RAPH1: variants seen among roughly 807,000 people sequenced by gnomAD.
The protein encoded by RAPH1 is ras-associated and pleckstrin homology domains-containing protein 1.
In RAPH1, 18 loss-of-function variants were observed where a neutral mutation model predicts 88.1. The observed-to-expected ratio is 0.20, with a 90% confidence interval of 0.14 to 0.30. RAPH1 has a LOEUF of 0.30. Ranked by LOEUF, RAPH1 falls within the 10% of genes least tolerant of loss-of-function variation. The probability of loss-of-function intolerance (pLI) is 1.00; values close to 1 mark genes in which losing one functional copy is unlikely to be tolerated. For synonymous variants in RAPH1, 587 were observed against 559.0 expected (o/e 1.05, Z -0.71); for missense variants, 1,448 against 1,543.2 (o/e 0.94, Z 1.03).
intron 1 of RAPH1, among the ~76,000 whole-genome samples, chr2:203,522,201 G>A (rs1252385479): frequency 6.6e-6 from 1 of 152,136 alleles, no homozygotes; most frequent in Non-Finnish European, 1.5e-5. Context: ...TTAGTCTCCT[G>A]TATTTCTAGC....
chr2:203,473,667 C>T (rs1473515470), intron 4 of RAPH1, among the ~76,000 whole-genome samples: 2 of 151,826 alleles, frequency 1.3e-5, no homozygotes, highest in Non-Finnish European at 2.9e-5. Context: ...ATATTTTAAA[C>T]GTTTAATTAA....
At chr2:203,512,491 C>T (rs2105928984) in intron 1 of RAPH1, among the ~76,000 whole-genome samples, 1 of 151,736 alleles carries the variant, frequency 6.6e-6, no homozygotes, top group African/African-American at 2.4e-5. Flanking sequence ...TAATGAGACA[C>T]AAATGGAAGT....
chr2:203,444,771 G>A, intron 13 of RAPH1, 97 bp downstream of exon 13: 2 of 1,123,588 alleles, frequency 1.8e-6, no homozygotes, highest in South Asian at 3.0e-5. Flanking sequence ...CTGAAATAAG[G>A]CCAAATAAGA....
chr2:203,440,553 T>C lies in RAPH1; in HGVS notation c.2637A>G (p.Glu879=). 1 of 1,542,072 alleles carries C rather than the reference T, an allele frequency of 6.5e-7. No individual in the cohort carries two copies. The highest frequency in any genetic ancestry group is 8.7e-7 in the Non-Finnish European group (1 of 1,144,598). Residue 879 remains glutamate (E), a synonymous_variant, in exon 14 of 14, where the codon GAA becomes GAG. Transcript: ENST00000319170. Reference sequence around the variant, plus strand: ...CTGGGACAGGCTTTAAGGGCTGAGATTCCATGGCAGGGGGAGTTGGAGGGG... The same window carrying C: ...CTGGGACAGGCTTTAAGGGCTGAGACTCCATGGCAGGGGGAGTTGGAGGGG... The part of the protein sequence containing the change: ...FPPPPTPPAM[E]SQPLKPVPAN...
intron 1 of RAPH1, among the ~76,000 whole-genome samples, chr2:203,513,039 A>G (rs147467587): frequency 1.5e-3 from 236 of 152,312 alleles, no homozygotes; most frequent in African/African-American, 5.4e-3. Flanking sequence ...ATCTTACACA[A>G]TTGAAAACGT....
chr2:203,527,015 C>T (rs1395055602), intron 1 of RAPH1, among the ~76,000 whole-genome samples: 1 of 151,998 alleles, frequency 6.6e-6, no homozygotes, highest in Non-Finnish European at 1.5e-5. Flanking sequence ...AACTCCTGAC[C>T]TCAGGTGATC....
chr2:203,528,767 T>C (rs1690239523), intron 1 of RAPH1, among the ~76,000 whole-genome samples: 1 of 151,916 alleles, frequency 6.6e-6, no homozygotes, highest in Admixed American at 6.6e-5. Context: ...GCTTATTAAG[T>C]ACACTATTCA....
intron 1 of RAPH1, among the ~76,000 whole-genome samples, chr2:203,528,564 C>T (rs1690231881): frequency 6.6e-6 from 1 of 152,116 alleles, no homozygotes; most frequent in African/African-American, 2.4e-5. Flanking sequence ...CATGAGCTGC[C>T]TTGTCAGCTA....
At chr2:203,506,898 A>ATTTTTTTTTTTTTTTTT (rs1243668890) in intron 1 of RAPH1, among the ~76,000 whole-genome samples, 1 of 87,876 alleles carries the variant, frequency 1.1e-5, no homozygotes, top group African/African-American at 6.4e-5. Context: ...ATATATATAT[A>ATTTTTTTTTTTTTTTTT]TTTTTTTTTT....
rs1174623924 is a variant in RAPH1 at position 203,435,519 on chromosome 2, A to AT, written c.*3917dup. On this transcript the variant is annotated 3_prime_UTR_variant, in exon 14 of 14. Coordinates refer to ENST00000319170, the MANE Select transcript of RAPH1 (RefSeq NM_213589.3). ...TAATTTATACAAATGTAAAGTGTATATTAAAAAAAAAAAAGTGAAAGTTAC... is the reference window on the plus strand; with the variant it reads ...TAATTTATACAAATGTAAAGTGTATATTTAAAAAAAAAAAAGTGAAAGTTAC... The AT allele has an allele frequency of 6.8e-6, 1 of 147,284 alleles. No homozygotes were observed. Among genetic ancestry groups the AT allele is most frequent in the Non-Finnish European group, 1.5e-5 (1 of 67,746 alleles). 9.1% of individuals were successfully genotyped at this position (147,284 alleles called of 1,614,324 possible).
chr2:203,468,886 G>A (rs1581300322), intron 4 of RAPH1, among the ~76,000 whole-genome samples: 1 of 152,174 alleles, frequency 6.6e-6, no homozygotes, highest in African/African-American at 2.4e-5. Context: ...ATTAACACAA[G>A]CTTCATTAGA....
intron 1 of RAPH1, among the ~76,000 whole-genome samples, chr2:203,509,417 A>G (rs1689236041): frequency 6.6e-6 from 1 of 152,200 alleles, no homozygotes; most frequent in African/African-American, 2.4e-5. Context: ...AGGTCAGAAA[A>G]AAATCAGAAT....
intron 1 of RAPH1, among the ~76,000 whole-genome samples, chr2:203,510,609 G>T (rs1263766349): frequency 6.6e-6 from 1 of 151,838 alleles, no homozygotes; most frequent in Non-Finnish European, 1.5e-5. Flanking sequence ...TACCTGCAGG[G>T]GTCAGGCAGC....
chr2:203,467,798 C>T (rs1042477672), intron 4 of RAPH1, among the ~76,000 whole-genome samples: 3 of 151,798 alleles, frequency 2.0e-5, no homozygotes, highest in Non-Finnish European at 4.4e-5. Context: ...GATAGGGTCT[C>T]ACTCTGTCAC....
At chr2:203,455,112 A>ATTTT (rs1282301641) in intron 9 of RAPH1, among the ~76,000 whole-genome samples, 1 of 152,196 alleles carries the variant, frequency 6.6e-6, no homozygotes, top group African/African-American at 2.4e-5. Flanking sequence ...ACAAGATAAA[A>ATTTT]AAGCCTGTAA....
Position 203,438,157 on chromosome 2 carries a change from C to G in RAPH1, c.*1280G>C, listed in dbSNP as rs778411504. On this transcript the variant is annotated 3_prime_UTR_variant, in exon 14 of 14. Transcript: ENST00000319170. The stretch of plus-strand genomic sequence containing the variant: ...AACACCTAGTAACCTGAACTAATCA[C>G]AACCAGGCTGCAGTCAGCAAGGGTC... 13 of 518,848 alleles carry G rather than the reference C, an allele frequency of 2.5e-5. No homozygotes were observed. Among genetic ancestry groups the G allele is most frequent in the Non-Finnish European group, 3.8e-5 (10 of 259,840 alleles). 32.1% of individuals were successfully genotyped at this position (518,848 alleles called of 1,614,324 possible).
intron 1 of RAPH1, among the ~76,000 whole-genome samples, chr2:203,500,338 T>A (rs1688687915): frequency 2.0e-5 from 3 of 152,140 alleles, no homozygotes; most frequent in Non-Finnish European, 4.4e-5. Flanking sequence ...TACAAGGGTA[T>A]AAAGACGTGA....
In RAPH1 at chr2:203,448,964, C is replaced by A; in HGVS notation, c.1414-128G>T. On this transcript the variant is annotated intron_variant, in intron 10 of 13. Coordinates refer to ENST00000319170, the MANE Select transcript of RAPH1 (RefSeq NM_213589.3). The surrounding 1 kb of genome is among the most constrained non-coding windows in gnomAD (Gnocchi z 4.1). ...AGTAATGGCCAATACATTTATGCTT[C>A]TTATATGGCCATAAGGCCAAATAAA... is the stretch of plus-strand genomic sequence containing the variant. 1 of 456,756 alleles carries A rather than the reference C, an allele frequency of 2.2e-6. No individual in the cohort carries two copies. The highest frequency in any genetic ancestry group is 2.0e-5 in the African/African-American group (1 of 49,560). 28.3% of individuals were successfully genotyped at this position (456,756 alleles called of 1,614,324 possible). A position where few individuals can be genotyped will look rare whatever the true frequency, so the allele number is the denominator to read the frequency against.
intron 1 of RAPH1, among the ~76,000 whole-genome samples, chr2:203,499,642 G>C (rs1688655146): frequency 6.6e-6 from 1 of 152,134 alleles, no homozygotes; most frequent in Admixed American, 6.6e-5. Flanking sequence ...GAACCCAGGA[G>C]GCAGAGGCTG....
Sources: allele counts gnomAD v4.1 joint callset (sites outside exome capture counted in the v4.1 genomes callset), GRCh38; gene constraint gnomAD v4.1.1; non-coding constraint Gnocchi (gnomAD v3.1); transcripts MANE v1.5; gene names NCBI Gene and HGNC (gene_info 2026-07-23, HGNC 2026-07-21).